The following CSN3 variants were observed in gnomAD, a reference collection of about 807,000 sequenced individuals.
CSN3 encodes the protein casein kappa.
Under a neutral mutation model 9.9 loss-of-function variants are expected in CSN3, and 7 were observed. That is an observed-to-expected ratio of 0.71 (90% CI 0.40 to 1.33). The LOEUF is 1.33. CSN3 is among the 40% of genes most tolerant of loss of function. The pLI is 0.01. For missense variants in CSN3, 253 were observed against 227.9 expected (o/e 1.11, Z -0.71); for synonymous variants, 88 against 82.3 (o/e 1.07, Z -0.37).
upstream of CSN3, among the ~76,000 whole-genome samples, chr4:70,239,715 C>G (rs1043889718): frequency 6.6e-6 from 1 of 151,882 alleles, no homozygotes; most frequent in Non-Finnish European, 1.5e-5. Flanking sequence ...GTCTACTATA[C>G]TCCCAAAAGT....
chr4:70,241,535 C>A (rs1445653864), upstream of CSN3, among the ~76,000 whole-genome samples: 1 of 151,884 alleles, frequency 6.6e-6, no homozygotes, highest in Non-Finnish European at 1.5e-5. Flanking sequence ...GTCTTCACAG[C>A]CAAAATAAGT....
chr4:70,246,822 C>T (rs1277381376), intron 2 of CSN3, among the ~76,000 whole-genome samples: 40 of 151,806 alleles, frequency 2.6e-4, no homozygotes, highest in Admixed American at 2.6e-3. Flanking sequence ...CAAGTGCCCG[C>T]CACCATGCCC....
At chr4:70,249,481 G>T (rs1197555410) in exon 4 of CSN3, 2 of 1,567,062 alleles carry the variant, frequency 1.3e-6, no homozygotes, top group African/African-American at 2.7e-5. Flanking sequence ...AAATATCAAA[G>T]AACACAACGC....
At chr4:70,242,924 G>A (rs1012824290) in intron 1 of CSN3, among the ~76,000 whole-genome samples, 2 of 152,012 alleles carry the variant, frequency 1.3e-5, no homozygotes, top group East Asian at 1.9e-4. Flanking sequence ...TGTGAATTCC[G>A]AACAAGAAGG....
chr4:70,244,559 T>C (rs1283350380), intron 1 of CSN3, among the ~76,000 whole-genome samples: 2 of 152,082 alleles, frequency 1.3e-5, no homozygotes, highest in Admixed American at 1.3e-4. Context: ...CATATTTACA[T>C]TGATAATCTC....
At chr4:70,245,262 C>T (rs552254347) in intron 2 of CSN3, among the ~76,000 whole-genome samples, 1 of 152,120 alleles carries the variant, frequency 6.6e-6, no homozygotes, top group Admixed American at 6.6e-5. Flanking sequence ...TAATTAAGTT[C>T]CTGTCTCACC....
At chr4:70,240,189 T>TA (rs5859217), upstream of CSN3, among the ~76,000 whole-genome samples, 1 of 151,852 alleles carries the variant, frequency 6.6e-6, no homozygotes, top group African/African-American at 2.4e-5. Context: ...AAGTTGTTAC[T>TA]AAAAAAAGAG....
intron 1 of CSN3, among the ~76,000 whole-genome samples, chr4:70,244,261 C>T (rs1030568014): frequency 6.6e-6 from 1 of 152,036 alleles, no homozygotes; most frequent in Admixed American, 6.6e-5. Context: ...TCCTTCCAAT[C>T]TTATATTTCC....
exon 4 of CSN3, chr4:70,249,291 T>G (rs200499713): frequency 1.5e-5 from 24 of 1,613,876 alleles, no homozygotes; most frequent in Middle Eastern, 1.6e-4. Flanking sequence ...AAATTCAGGA[T>G]AAAATAATCA....
chr4:70,242,174 ATTC>A (rs1477652595), upstream of CSN3, among the ~76,000 whole-genome samples: 1 of 91,022 alleles, frequency 1.1e-5, no homozygotes, highest in Non-Finnish European at 2.1e-5. Context: ...ATTTTTAAAA[ATTC>A]TTCTATATTT....
chr4:70,250,234 T>C (rs1225005181), intron 4 of CSN3, among the ~76,000 whole-genome samples: 1 of 152,130 alleles, frequency 6.6e-6, no homozygotes, highest in Non-Finnish European at 1.5e-5. Context: ...AAGTGGAAAA[T>C]ATCCAAAGAG....
exon 4 of CSN3, chr4:70,249,295 A>T: frequency 6.2e-7 from 1 of 1,614,108 alleles, no homozygotes; most frequent in Non-Finnish European, 8.5e-7. Flanking sequence ...TCAGGATAAA[A>T]TAATCATCCC....
intron 3 of CSN3, among the ~76,000 whole-genome samples, chr4:70,248,381 C>A (rs1730419723): frequency 6.6e-6 from 1 of 151,988 alleles, no homozygotes; most frequent in African/African-American, 2.4e-5. Flanking sequence ...TAAACAGAGG[C>A]ACATAGATAT....
chr4:70,246,633 T>A (rs1009542209), intron 2 of CSN3, among the ~76,000 whole-genome samples: 2 of 152,022 alleles, frequency 1.3e-5, no homozygotes, highest in Middle Eastern at 3.4e-3. Context: ...ATTGTCAGAA[T>A]TTTTTAAAGT....
intron 1 of CSN3, 63 bp downstream of exon 1, chr4:70,242,728 C>T (rs1730297874): frequency 6.6e-6 from 1 of 152,046 alleles, no homozygotes; most frequent in Admixed American, 6.6e-5. Flanking sequence ...GGGACATCAC[C>T]ATAGTTATTT....
At chr4:70,249,882 T>C (rs1223122566) in intron 4 of CSN3, among the ~76,000 whole-genome samples, 3 of 152,210 alleles carry the variant, frequency 2.0e-5, no homozygotes, top group African/African-American at 7.2e-5. Flanking sequence ...ATATAGAATA[T>C]GAGTTTGAGT....
chr4:70,243,576 A>G (rs2109693918), intron 1 of CSN3, among the ~76,000 whole-genome samples: 1 of 152,180 alleles, frequency 6.6e-6, no homozygotes, highest in East Asian at 1.9e-4. Flanking sequence ...CTGAGGCTTT[A>G]ATTCTGTGAA....
chr4:70,248,972 T>C, intron 3 of CSN3, 26 bp from the exon 4 acceptor site: 2 of 1,481,072 alleles, frequency 1.4e-6, no homozygotes, highest in South Asian at 1.3e-5. Context: ...AATAATAATA[T>C]TCTGTATAAT....
At chr4:70,249,857 T>G (rs1164431116) in intron 4 of CSN3, among the ~76,000 whole-genome samples, 1 of 152,188 alleles carries the variant, frequency 6.6e-6, no homozygotes, top group Non-Finnish European at 1.5e-5. Context: ...TCAAAAATAA[T>G]TTTTAGAAGA....
Sources: allele counts gnomAD v4.1 joint callset (sites outside exome capture counted in the v4.1 genomes callset), GRCh38; gene constraint gnomAD v4.1.1; transcripts MANE v1.5; gene names NCBI Gene and HGNC (gene_info 2026-07-23, HGNC 2026-07-21).